Variants in DNAJC13 observed in about 807,000 individuals in gnomAD.
DNAJC13 encodes DnaJ heat shock protein family (Hsp40) member C13, also known as dnaJ homolog subfamily C member 13.
A neutral mutation model predicts 290.5 loss-of-function variants in DNAJC13; 75 were observed. That is an observed-to-expected ratio of 0.26 (90% confidence interval 0.21 to 0.31). The LOEUF is 0.31. Ranked by LOEUF, DNAJC13 falls within the 10% of genes least tolerant of loss-of-function variation. The probability of loss-of-function intolerance (pLI) is 1.00; values close to 1 mark genes in which losing one functional copy is unlikely to be tolerated. For missense variants in DNAJC13, 2,260 were observed against 2,674.5 expected, an observed-to-expected ratio of 0.85 and a Z score of 3.42; for synonymous variants, 862 against 892.0, an observed-to-expected ratio of 0.97 and a Z score of 0.60.
At position 132,456,753 on chromosome 3, in the gene DNAJC13, G is replaced by A; in HGVS notation, c.1270G>A (p.Glu424Lys). 1.9e-6 allele frequency: 3 copies of A among 1,614,100 alleles called. No individual in the cohort carries two copies. Among genetic ancestry groups the A allele is most frequent in the Admixed American group, 3.3e-5 (2 of 60,018 alleles). ...QEGDVVASNA[E>K]LESQFQAVRR... ...AGGGGATGTCGTTGCTTCAAATGCG[G>A]AACTTGAGAGTCAGTTCCAGGCTGT... Residue 424 changes from glutamate to lysine, a missense_variant, in exon 12 of 56, where the codon GAA becomes AAA. By Grantham distance (56) the Glu-to-Lys change is moderately conservative. Transcript: ENST00000260818.
At chr3:132,530,963 A>AT (rs978277562) in intron 54 of DNAJC13, 35 bp from the exon 55 acceptor site, 6 of 1,588,150 alleles carry the variant, frequency 3.8e-6, no homozygotes, top group Admixed American at 3.4e-5. Context: ...CCAGTCCTTG[A>AT]TTTTATGTTC....
intron 16 of DNAJC13, among the ~76,000 whole-genome samples, chr3:132,462,917 CA>C (rs1170244096): frequency 6.6e-6 from 1 of 152,126 alleles, no homozygotes; most frequent in African/African-American, 2.4e-5. Context: ...AGAAAGGCAA[CA>C]AAAAGTTCTT....
intron 1 of DNAJC13, among the ~76,000 whole-genome samples, chr3:132,419,354 A>G (rs1302736539): frequency 1.3e-5 from 2 of 152,014 alleles, no homozygotes; most frequent in Non-Finnish European, 2.9e-5. Context: ...AATGTTATAT[A>G]TTGTTAACAA....
intron 26 of DNAJC13, among the ~76,000 whole-genome samples, chr3:132,480,868 G>A (rs1050054149): frequency 6.6e-6 from 1 of 152,136 alleles, no homozygotes; most frequent in Non-Finnish European, 1.5e-5. Flanking sequence ...ACTTATAGAA[G>A]AATCTATCCT....
chr3:132,471,996 C>T (rs1934286142), intron 20 of DNAJC13, among the ~76,000 whole-genome samples: 1 of 149,206 alleles, frequency 6.7e-6, no homozygotes. Flanking sequence ...GCAATCCCGG[C>T]ACCTCGGGAG....
chr3:132,485,140 AT>A (rs1388190576), intron 29 of DNAJC13, among the ~76,000 whole-genome samples: 1 of 150,972 alleles, frequency 6.6e-6, no homozygotes, highest in Non-Finnish European at 1.5e-5. Context: ...TTAATTTTTT[AT>A]TTTTTTTTAT....
intron 2 of DNAJC13, among the ~76,000 whole-genome samples, chr3:132,438,050 CAAAAA>C (rs35454328): frequency 2.7e-5 from 3 of 109,110 alleles, no homozygotes; most frequent in Admixed American, 9.4e-5. Context: ...GACCGTGTCT[CAAAAA>C]AAAAAAAAAA....
chr3:132,532,679 A>G (rs1936451016), intron 55 of DNAJC13, among the ~76,000 whole-genome samples: 1 of 151,674 alleles, frequency 6.6e-6, no homozygotes, highest in African/African-American at 2.4e-5. Flanking sequence ...TCATGGCATT[A>G]CATTCATTAC....
chr3:132,467,459 T>A, intron 20 of DNAJC13, 146 bp downstream of exon 20: 1 of 678,382 alleles, frequency 1.5e-6, no homozygotes, highest in South Asian at 2.9e-5. Context: ...TTCTTTCTTT[T>A]TTATTTTATT....
chr3:132,464,140 TC>T (rs1933900706), intron 17 of DNAJC13, among the ~76,000 whole-genome samples: 2 of 152,188 alleles, frequency 1.3e-5, no homozygotes, highest in Admixed American at 6.5e-5. Flanking sequence ...TCTCCTTATA[TC>T]CCTGTGACCA....
At chr3:132,536,867 T>G (rs1936606951) in intron 55 of DNAJC13, among the ~76,000 whole-genome samples, 1 of 152,136 alleles carries the variant, frequency 6.6e-6, no homozygotes, top group Non-Finnish European at 1.5e-5. Flanking sequence ...GAGAAATATT[T>G]TTTGTAAGTT....
rs1454695280 is a variant in DNAJC13, at chr3:132,471,188, C to T, written c.2209-1957C>T. Among the ~76,000 whole-genome samples the T allele has an allele frequency of 1.3e-3, 169 of 128,646 alleles. 2 individuals carry two copies. Among genetic ancestry groups the T allele is most frequent in the Non-Finnish European group, 2.3e-3 (134 of 58,884 alleles). 84.4% of individuals were successfully genotyped at this position (128,646 alleles called of 152,430 possible). The stretch of plus-strand genomic sequence containing the variant: ...GGGGCTCCTCACTTCCCAGTAGGGG[C>T]GGCCGGGCAGAGGCACCCCTCACCT... On this transcript the variant is annotated intron_variant, in intron 20 of 55. Coordinates refer to ENST00000260818, the MANE Select transcript of DNAJC13 (RefSeq NM_015268.4).
At position 132,461,221 on chromosome 3, in the gene DNAJC13, T is replaced by C; in HGVS notation, c.1713+16T>C. On this transcript the variant is annotated intron_variant, in intron 15 of 55. Coordinates refer to ENST00000260818, the MANE Select transcript of DNAJC13 (RefSeq NM_015268.4). ...ACTTTTTCAGGTGAGAGCTTGTATT[T>C]TTCTTGTCAGATAACAGTGAATTTA... 1 of 1,613,636 alleles carries C rather than the reference T, an allele frequency of 6.2e-7. No homozygotes were observed. Among genetic ancestry groups the C allele is most frequent in the Non-Finnish European group, 8.5e-7 (1 of 1,179,662 alleles).
At chr3:132,463,544 ATT>A in intron 16 of DNAJC13, 150 bp from the exon 17 acceptor site, 4 of 786,686 alleles carry the variant, frequency 5.1e-6, no homozygotes, top group Non-Finnish European at 7.5e-6. Context: ...CTACTCACCT[ATT>A]TTTTTTTGGG....
In DNAJC13 at chr3:132,525,755, C is replaced by G; in HGVS notation, c.6206C>G (p.Ala2069Gly). Residue 2069 changes from alanine to glycine, a missense_variant, in exon 52 of 56, where the codon GCC (alanine) becomes GGC (glycine). Coordinates refer to ENST00000260818, the MANE Select transcript of DNAJC13 (RefSeq NM_015268.4). ...AGGAACAATGCCATTCCTAAGAGTG[C>G]CATTCGGGTTATCCATGCCTTGTCT... The part of the protein sequence containing the change: ...NHRNNAIPKS[A>G]IRVIHALSEN... 1 of 1,614,102 alleles carries G rather than the reference C, an allele frequency of 6.2e-7. No individual in the cohort carries two copies. The highest frequency in any genetic ancestry group is 8.5e-7 in the Non-Finnish European group (1 of 1,179,986).
chr3:132,524,634 A>G (rs1179110137), intron 51 of DNAJC13, among the ~76,000 whole-genome samples: 1 of 152,252 alleles, frequency 6.6e-6, no homozygotes, highest in Non-Finnish European at 1.5e-5. Flanking sequence ...CTGAGTATTT[A>G]CCAGTGCTAC....
chr3:132,455,201 A>G (rs371399170), intron 9 of DNAJC13, among the ~76,000 whole-genome samples: 6 of 152,214 alleles, frequency 3.9e-5, no homozygotes, highest in African/African-American at 1.4e-4. Context: ...CCAATAGTAA[A>G]TGGGCAAAAG....
intron 1 of DNAJC13, among the ~76,000 whole-genome samples, chr3:132,419,076 T>A (rs1051973724): frequency 2.0e-5 from 3 of 152,248 alleles, no homozygotes; most frequent in Non-Finnish European, 4.4e-5. Context: ...TATCTCAGAC[T>A]TGGCTTGTGC....
In DNAJC13 at chr3:132,500,784, T is replaced by C. The variant is rs1468231617; in HGVS notation, c.4417-10T>C. ...CTACTGGTTTTTTTGCTCTGTTGTGTTGTCTGCAGGTGTGTGGATACATAA... is the reference window on the plus strand; with the variant it reads ...CTACTGGTTTTTTTGCTCTGTTGTGCTGTCTGCAGGTGTGTGGATACATAA... On this transcript the variant is annotated splice_polypyrimidine_tract_variant and intron_variant, in intron 38 of 55. Transcript: ENST00000260818. 1 of 1,613,702 alleles carries C rather than the reference T, an allele frequency of 6.2e-7. No homozygotes were observed. Among genetic ancestry groups the C allele is most frequent in the South Asian group, 1.1e-5 (1 of 91,050 alleles).
Sources: gnomAD v4.1 joint callset for allele counts (sites outside exome capture counted in the v4.1 genomes callset) on GRCh38, gnomAD v4.1.1 for gene constraint, MANE v1.5 for transcripts, NCBI Gene and HGNC (gene_info 2026-07-23, HGNC 2026-07-21) for gene names.